DCDC1: variants seen among roughly 807,000 people sequenced by gnomAD.
DCDC1 encodes the protein doublecortin domain-containing protein 1.
DCDC1 carries 200 observed loss-of-function variants against 178.3 expected under a neutral mutation model. The ratio of observed to expected loss-of-function variants is 1.12; its 90% CI spans 1.00 to 1.26. DCDC1 has a LOEUF of 1.26. Ranked by LOEUF, DCDC1 falls within the 50% of genes most tolerant of loss-of-function variation. The pLI is 0.00. For synonymous variants in DCDC1, 690 were observed against 604.8 expected, an observed-to-expected ratio of 1.14 and a Z score of -2.07; for missense variants, 1,983 against 1,749.2, an observed-to-expected ratio of 1.13 and a Z score of -2.38.
Position 31,290,661 on chromosome 11 carries a change from C to A in DCDC1, c.946G>T (p.Glu316Ter), listed in dbSNP as rs755906212. Reference protein sequence around the residue: ...QDGHEITVGKETMKKVLDTCT... With the variant: ...QDGHEITVGK ...TTAAAAATTACCTTTTTCATTGTTTCTTTTCCCACTGTAATCTCATGCCCA... is the reference window on the plus strand; with the variant it reads ...TTAAAAATTACCTTTTTCATTGTTTATTTTCCCACTGTAATCTCATGCCCA... Residue 316 changes from glutamate (E) to a stop codon, truncating the protein, a stop_gained, in exon 7 of 39, where the codon GAA becomes TAA. Transcript: ENST00000684477. LOFTEE classifies it high-confidence loss of function. 2.5e-6 allele frequency: 4 copies of A among 1,603,500 alleles called. No individual in the cohort carries two copies. The East Asian group carries it at 8.9e-5, about 36-fold the overall frequency.
intron 9 of DCDC1, among the ~76,000 whole-genome samples, chr11:31,195,554 C>T (rs1486317137): frequency 6.6e-6 from 1 of 151,970 alleles, no homozygotes; most frequent in Non-Finnish European, 1.5e-5. Flanking sequence ...CCTTACTCCT[C>T]GCTCATCCTT....
chr11:30,984,170 C>T (rs960321719), intron 20 of DCDC1, among the ~76,000 whole-genome samples: 4 of 152,210 alleles, frequency 2.6e-5, no homozygotes, highest in African/African-American at 9.6e-5. Context: ...GAGTTTATTT[C>T]ACGAAGACAG....
At chr11:30,893,685 T>A (rs368273031) in intron 35 of DCDC1, among the ~76,000 whole-genome samples, 5 of 152,204 alleles carry the variant, frequency 3.3e-5, no homozygotes, top group East Asian at 1.9e-4. Flanking sequence ...TCTTATTAAA[T>A]AGGAACATAT....
intron 32 of DCDC1, among the ~76,000 whole-genome samples, chr11:30,902,030 A>G (rs11826390): frequency 0.015 from 2,238 of 152,216 alleles, 58 homozygotes; most frequent in African/African-American, 0.051. Context: ...TGATCAAACG[A>G]ATACAGATAT....
At chr11:31,066,698 A>G (rs1329452073) in intron 18 of DCDC1, among the ~76,000 whole-genome samples, 1 of 152,210 alleles carries the variant, frequency 6.6e-6, no homozygotes, top group Non-Finnish European at 1.5e-5. Flanking sequence ...CAGCAAAAAG[A>G]TCAGTGGTTG....
At chr11:31,026,360 G>A (rs1953232674) in intron 20 of DCDC1, among the ~76,000 whole-genome samples, 1 of 151,734 alleles carries the variant, frequency 6.6e-6, no homozygotes, top group Admixed American at 6.6e-5. Context: ...ATCAATTTGA[G>A]TCTAACATAA....
chr11:31,134,331 T>C (rs1046825901), intron 10 of DCDC1, among the ~76,000 whole-genome samples: 4 of 152,202 alleles, frequency 2.6e-5, no homozygotes, highest in African/African-American at 4.8e-5. Flanking sequence ...TCTACTGTGC[T>C]CTGAAATCCA....
chr11:30,997,811 ATGTG>A (rs150426755), intron 20 of DCDC1, among the ~76,000 whole-genome samples: 38 of 148,976 alleles, frequency 2.6e-4, no homozygotes, highest in African/African-American at 5.4e-4. Flanking sequence ...CATAGTGTGT[ATGTG>A]TGTGTGTGTG....
chr11:31,334,792 C>G (rs894040558), intron 2 of DCDC1, among the ~76,000 whole-genome samples: 1 of 152,088 alleles, frequency 6.6e-6, no homozygotes, highest in South Asian at 2.1e-4. Flanking sequence ...CAGAGGGGTA[C>G]CCGCCTATAT....
At chr11:31,330,892 G>C (rs536795198) in intron 2 of DCDC1, among the ~76,000 whole-genome samples, 7 of 152,220 alleles carry the variant, frequency 4.6e-5, no homozygotes, top group African/African-American at 1.7e-4. Flanking sequence ...CTCTTTTTTG[G>C]TTCCATATGA....
At chr11:31,217,142 G>A (rs1374174287) in intron 9 of DCDC1, among the ~76,000 whole-genome samples, 1 of 152,070 alleles carries the variant, frequency 6.6e-6, no homozygotes, top group African/African-American at 2.4e-5. Context: ...GAGGTAAGAG[G>A]CACACTCAAC....
intron 20 of DCDC1, among the ~76,000 whole-genome samples, chr11:31,053,750 A>G (rs1955411839): frequency 6.6e-6 from 1 of 152,206 alleles, no homozygotes; most frequent in South Asian, 2.1e-4. Flanking sequence ...ATGGAGAAAA[A>G]GCATTCAACA....
At position 31,102,265 on chromosome 11, in the gene DCDC1, C is replaced by A; in HGVS notation, c.1895G>T (p.Gly632Val). The A allele has an allele frequency of 1.4e-6, 1 of 712,824 alleles. No individual in the cohort carries two copies. The highest frequency in any genetic ancestry group is 1.5e-5 in the South Asian group (1 of 65,620). 44.2% of individuals were successfully genotyped at this position (712,824 alleles called of 1,614,324 possible). Reference sequence around the variant, plus strand: ...GGTACAGTTGAAATTAATTGGAAATCCCTCACAAACTTCCCAACTAAGAAA... The same window carrying A: ...GGTACAGTTGAAATTAATTGGAAATACCTCACAAACTTCCCAACTAAGAAA... ...PGCGNWEVCE[G>V]FPINFNCTSQ... The change falls in exon 15 of 39, where the codon GGA becomes GTA. Residue 632 changes from glycine (G) to valine (V), a missense_variant. Transcript: ENST00000684477.
At chr11:30,946,393 C>T (rs1463538838) in intron 21 of DCDC1, among the ~76,000 whole-genome samples, 3 of 152,206 alleles carry the variant, frequency 2.0e-5, no homozygotes, top group Non-Finnish European at 4.4e-5. Flanking sequence ...GGCCCTCAAA[C>T]CCTGAGTTTC....
In DCDC1 at chr11:31,102,187, A is replaced by G. The variant is rs1434229478; in HGVS notation, c.1973T>C (p.Leu658Pro). Residue 658 changes from leucine to proline, a missense_variant, in exon 15 of 39, where the codon CTA becomes CCA. Physicochemically the swap from Leu to Pro is moderately conservative, Grantham distance 98 (BLOSUM62 -3). Transcript: ENST00000684477. The stretch of plus-strand genomic sequence containing the variant: ...TAACTAAAATCCCACCTTGTTCTGT[A>G]GAAAATGGTTCTCCAAGTCCACCTT... ...FEKVDLENHF[L>P]QNKVDPNIVL... 2.8e-6 allele frequency: 2 copies of G among 720,534 alleles called. No individual in the cohort carries two copies. Among genetic ancestry groups the G allele is most frequent in the African/African-American group, 1.7e-5 (1 of 58,688 alleles). 44.6% of individuals were successfully genotyped at this position (720,534 alleles called of 1,614,324 possible).
chr11:31,281,996 T>C (rs939645381), intron 7 of DCDC1, among the ~76,000 whole-genome samples: 2 of 152,176 alleles, frequency 1.3e-5, no homozygotes, highest in African/African-American at 2.4e-5. Context: ...ATTTGACTTG[T>C]TAATACTTTT....
chr11:30,975,614 C>T (rs1950059436), intron 20 of DCDC1, among the ~76,000 whole-genome samples: 2 of 151,726 alleles, frequency 1.3e-5, no homozygotes, highest in African/African-American at 4.8e-5. Flanking sequence ...TTTATAATAG[C>T]TACAAAGTAA....
At chr11:31,307,994 T>C in intron 3 of DCDC1, 86 bp from the exon 4 acceptor site, 2 of 1,534,342 alleles carry the variant, frequency 1.3e-6, no homozygotes, top group Non-Finnish European at 1.8e-6. Context: ...AGTTGTGTGC[T>C]ATGTGCTACA....
rs1183853404 is a variant in DCDC1, at chr11:31,271,256, CCTAT to C, written c.961-5660_961-5657del. ...CAGTTATATTACAAGAGTTCCTGCT[CCTAT>C]CTAAGGCCAATATTCCACTTATCCT... On this transcript the variant is annotated intron_variant, in intron 7 of 38. Coordinates refer to ENST00000684477, the MANE Select transcript of DCDC1 (RefSeq NM_001387274.1). Among the ~76,000 whole-genome samples, 9 of 152,328 alleles carry C rather than the reference CCTAT, an allele frequency of 5.9e-5. No individual in the cohort carries two copies. In the South Asian group the frequency reaches 1.7e-3, roughly 28 times the overall value.
Sources: allele counts gnomAD v4.1 joint callset (sites outside exome capture counted in the v4.1 genomes callset), GRCh38; gene constraint gnomAD v4.1.1; transcripts MANE v1.5; gene names NCBI Gene and HGNC (gene_info 2026-07-23, HGNC 2026-07-21).